The following SCAP variants were observed in gnomAD, a reference collection of about 807,000 sequenced individuals.
The protein encoded by SCAP is sterol regulatory element-binding protein cleavage-activating protein.
In SCAP, 65 loss-of-function variants were observed where a neutral mutation model predicts 123.6. The ratio of observed to expected loss-of-function variants is 0.53; its 90% CI spans 0.43 to 0.65. The LOEUF is 0.65. SCAP is among the 30% of genes least tolerant of loss of function. The pLI, the probability that SCAP is intolerant of heterozygous loss-of-function variation, is 0.00. For synonymous variants in SCAP, 740 were observed against 726.3 expected, an observed-to-expected ratio of 1.02 and a Z score of -0.30; for missense variants, 1,398 against 1,712.5, an observed-to-expected ratio of 0.82 and a Z score of 3.24.
intron 9 of SCAP, among the ~76,000 whole-genome samples, chr3:47,423,267 T>C (rs1872165): frequency 0.96 from 146,102 of 152,310 alleles, 70,388 homozygotes; most frequent in East Asian, 1. Flanking sequence ...AGATCCCCAG[T>C]TTCTACCAGC....
chr3:47,443,233 TACAC>T (rs60723433), intron 1 of SCAP, 142 bp from the exon 2 acceptor site: 1,610 of 104,574 alleles, frequency 0.015, 25 homozygotes, highest in African/African-American at 0.044. Flanking sequence ...AATCCCAAAA[TACAC>T]ACACACACAC....
rs935277915 is a variant in SCAP at position 47,475,834 on chromosome 3, C to G, written c.-134G>C. ...AGCACCTCCCAAGCTGCGGCGGCGG[C>G]GGCGGCGGCGACGGGGGCGGCAGCA... On this transcript the variant is annotated 5_prime_UTR_variant, in exon 1 of 23. Coordinates refer to ENST00000265565, the MANE Select transcript of SCAP (RefSeq NM_012235.4). The G allele has an allele frequency of 6.2e-6, 1 of 161,074 alleles. No individual in the cohort carries two copies. The highest frequency in any genetic ancestry group is 1.3e-5 in the Non-Finnish European group (1 of 75,046). 10.0% of individuals were successfully genotyped at this position (161,074 alleles called of 1,614,324 possible).
intron 10 of SCAP, 133 bp from the exon 11 acceptor site, chr3:47,421,162 A>G: frequency 1.4e-6 from 1 of 722,184 alleles, no homozygotes; most frequent in Non-Finnish European, 2.5e-6. Flanking sequence ...GAGATGAGAG[A>G]TGCTGGTTGG....
chr3:47,416,247 C>T (rs1221870245), intron 18 of SCAP, among the ~76,000 whole-genome samples: 1 of 152,220 alleles, frequency 6.6e-6, no homozygotes, highest in East Asian at 1.9e-4. Flanking sequence ...GACCCAGGTT[C>T]ACCAGCTTGG....
chr3:47,454,848 A>G (rs1313664756), intron 1 of SCAP, among the ~76,000 whole-genome samples: 1 of 151,750 alleles, frequency 6.6e-6, no homozygotes, highest in African/African-American at 2.4e-5. Context: ...ATCAAGCCCA[A>G]TGGGAACACA....
chr3:47,427,149 A>T lies in SCAP; in HGVS notation c.737+8T>A. 6.2e-6 allele frequency: 10 copies of T among 1,602,548 alleles called. No homozygotes were observed. Among genetic ancestry groups the T allele is most frequent in the Non-Finnish European group, 6.8e-6 (8 of 1,169,568 alleles). ...CCAGTCAAGAGCCCAGGGTACTGTC[A>T]ATCTTACTTGGCATGGTAGTGCTGG... On this transcript the variant is annotated splice_region_variant and intron_variant, in intron 6 of 22. Coordinates refer to ENST00000265565, the MANE Select transcript of SCAP (RefSeq NM_012235.4).
chr3:47,454,277 G>A (rs1003430477), intron 1 of SCAP, among the ~76,000 whole-genome samples: 1 of 151,964 alleles, frequency 6.6e-6, no homozygotes, highest in African/African-American at 2.4e-5. Context: ...TGAGGCAGGA[G>A]AATGGTGTGA....
Position 47,427,140 on chromosome 3 carries a change from G to A in SCAP, c.737+17C>T, listed in dbSNP as rs1335641530. The A allele has an allele frequency of 5.7e-6, 9 of 1,575,190 alleles. No homozygotes were observed. Among genetic ancestry groups the A allele is most frequent in the Admixed American group, 1.7e-5 (1 of 59,942 alleles). ...CCCAGCAGACCAGTCAAGAGCCCAG[G>A]GTACTGTCAATCTTACTTGGCATGG... On this transcript the variant is annotated intron_variant, in intron 6 of 22. Transcript: ENST00000265565.
chr3:47,435,199 T>C (rs144166897), intron 2 of SCAP, 62 bp from the exon 3 acceptor site: 51 of 1,528,132 alleles, frequency 3.3e-5, no homozygotes, highest in Non-Finnish European at 4.3e-5. Context: ...CTCTCAGCAC[T>C]GACACAGGAG....
intron 1 of SCAP, among the ~76,000 whole-genome samples, chr3:47,474,962 C>A (rs1342926032): frequency 1.3e-5 from 2 of 152,174 alleles, no homozygotes; most frequent in Non-Finnish European, 2.9e-5. Flanking sequence ...CATAACCAAA[C>A]TCCACAAATT....
At chr3:47,443,637 T>C (rs1009087393) in intron 1 of SCAP, among the ~76,000 whole-genome samples, 2 of 152,212 alleles carry the variant, frequency 1.3e-5, no homozygotes, top group Non-Finnish European at 2.9e-5. Flanking sequence ...CTTAGGTCTC[T>C]GACATAATGG....
At chr3:47,470,840 C>A (rs763163983) in intron 1 of SCAP, among the ~76,000 whole-genome samples, 4 of 152,024 alleles carry the variant, frequency 2.6e-5, no homozygotes, top group African/African-American at 4.8e-5. Context: ...CCAGCCTGGG[C>A]GACAAGAGCA....
At chr3:47,455,741 A>G (rs1707400967) in intron 1 of SCAP, among the ~76,000 whole-genome samples, 1 of 152,212 alleles carries the variant, frequency 6.6e-6, no homozygotes, top group Non-Finnish European at 1.5e-5. Context: ...CTCTTCCTAC[A>G]TTCATCTAGA....
chr3:47,440,994 C>T (rs1272284209), intron 2 of SCAP, among the ~76,000 whole-genome samples: 2 of 150,978 alleles, frequency 1.3e-5, no homozygotes, highest in African/African-American at 2.4e-5. Context: ...CTCCGTCTCC[C>T]GGGTTCAAGT....
At chr3:47,424,776 C>A (rs1045263595) in intron 8 of SCAP, among the ~76,000 whole-genome samples, 4 of 152,126 alleles carry the variant, frequency 2.6e-5, no homozygotes, top group African/African-American at 9.7e-5. Context: ...CAAAATACGA[C>A]GTCGCTTTTC....
At chr3:47,417,051 C>G (rs1380293768) in intron 18 of SCAP, 71 bp downstream of exon 18, 11 of 1,382,856 alleles carry the variant, frequency 8.0e-6, no homozygotes, top group Non-Finnish European at 1.0e-5. Context: ...AACCAGAACT[C>G]AAGACTCAAG....
At chr3:47,415,383 C>T (rs181030373) in intron 18 of SCAP, among the ~76,000 whole-genome samples, 39 of 152,212 alleles carry the variant, frequency 2.6e-4, no homozygotes, top group South Asian at 1.0e-3. Context: ...TTTCTTCATC[C>T]GTAAAATGGG....
Position 47,418,453 on chromosome 3 carries a change from T to C in SCAP, c.2199A>G (p.Leu733=), listed in dbSNP as rs374707747. The C allele has an allele frequency of 3.9e-5, 63 of 1,596,454 alleles. No individual in the cohort carries two copies. The African/African-American group carries it at 7.1e-4, about 18-fold the overall frequency. The change falls in exon 15 of 23, where the codon CTA becomes CTG. Residue 733 remains leucine, a synonymous_variant. Coordinates refer to ENST00000265565, the MANE Select transcript of SCAP (RefSeq NM_012235.4). ...VLLLLCLYRV[L]CPRNYGQLGG... ...CCAGCTGCCCGTAGTTGCGCGGGCA[T>C]AGCACGCGGTAGAGGCAGAGCAGCA... is the stretch of plus-strand genomic sequence containing the variant.
chr3:47,418,070 G>A, intron 16 of SCAP, 64 bp downstream of exon 16: 4 of 1,232,770 alleles, frequency 3.2e-6, no homozygotes, highest in South Asian at 1.3e-5. Flanking sequence ...GAGATACGTG[G>A]CGGCGGGGGG....
Sources: allele counts gnomAD v4.1 joint callset (sites outside exome capture counted in the v4.1 genomes callset), GRCh38; gene constraint gnomAD v4.1.1; transcripts MANE v1.5; gene names NCBI Gene and HGNC (gene_info 2026-07-23, HGNC 2026-07-21).